The following CCBE1 variants were observed in gnomAD, a reference collection of about 807,000 sequenced individuals.
CCBE1 encodes collagen and calcium binding EGF domains 1.
Under a neutral mutation model 50.0 loss-of-function variants are expected in CCBE1, and 37 were observed. The observed-to-expected ratio is 0.74, with a 90% CI of 0.57 to 0.97. CCBE1 has a LOEUF of 0.97. Ranked by LOEUF, CCBE1 falls within the 50% of genes least tolerant of loss-of-function variation. The pLI is 0.00. For missense variants in CCBE1, 538 were observed against 523.8 expected (o/e 1.03, Z -0.26); for synonymous variants, 234 against 203.7 (o/e 1.15, Z -1.27).
At chr18:59,581,442 A>G (rs575468342) in intron 2 of CCBE1, among the ~76,000 whole-genome samples, 1 of 151,370 alleles carries the variant, frequency 6.6e-6, no homozygotes, top group South Asian at 2.1e-4. Context: ...TCCATCTCAA[A>G]AAAAAAAAAA....
chr18:59,692,956 GCACACACACACACACACA>G lies in CCBE1; in HGVS notation c.212+3655_212+3672del, dbSNP rs59496597. ...AAAAGAACCACTTTGTCAAGCCAAA[GCACACACACACACACACA>G]CACACACACACACACACACACACAC... On this transcript the variant is annotated intron_variant, in intron 2 of 10. Transcript: ENST00000439986. Among the ~76,000 whole-genome samples, 831 of 86,960 alleles carry G rather than the reference GCACACACACACACACACA, an allele frequency of 9.6e-3. 16 individuals carry two copies. The highest frequency in any genetic ancestry group is 0.034 in the African/African-American group (782 of 22,990). 57.0% of individuals were successfully genotyped at this position (86,960 alleles called of 152,430 possible).
At chr18:59,599,711 GTAC>G (rs2053405403) in intron 2 of CCBE1, among the ~76,000 whole-genome samples, 1 of 152,116 alleles carries the variant, frequency 6.6e-6, no homozygotes. Flanking sequence ...TTTTTCATTT[GTAC>G]CACAGGAGCA....
chr18:59,651,648 T>C (rs760527684), intron 2 of CCBE1, among the ~76,000 whole-genome samples: 2 of 152,206 alleles, frequency 1.3e-5, no homozygotes, highest in Non-Finnish European at 2.9e-5. Flanking sequence ...GCTCTAAATA[T>C]GGCATTTTTC....
intron 2 of CCBE1, among the ~76,000 whole-genome samples, chr18:59,682,111 C>A (rs1329555896): frequency 6.6e-6 from 1 of 152,174 alleles, no homozygotes; most frequent in Non-Finnish European, 1.5e-5. Flanking sequence ...TGCCTGTAAT[C>A]CCAGCACTTT....
In CCBE1 at chr18:59,454,892, ACTC is replaced by A. The variant is rs1183265084; in HGVS notation, c.610_612del (p.Glu204del). On this transcript the variant is annotated inframe_deletion, in exon 6 of 11. Transcript: ENST00000439986. ...AGCACGGTCTGCTTCATCTGGTAGA[ACTC>A]CTTGCATGTGGCACAGCAAGTTCCG... 3 of 1,613,846 alleles carry A rather than the reference ACTC, an allele frequency of 1.9e-6. No homozygotes were observed. Among genetic ancestry groups the A allele is most frequent in the South Asian group, 2.2e-5 (2 of 91,076 alleles).
chr18:59,673,635 G>A (rs1020444600), intron 2 of CCBE1, among the ~76,000 whole-genome samples: 2 of 152,162 alleles, frequency 1.3e-5, no homozygotes, highest in African/African-American at 4.8e-5. Flanking sequence ...AGTTTATGGA[G>A]AGTTTTTTAA....
At chr18:59,543,103 G>C (rs529800575) in intron 2 of CCBE1, among the ~76,000 whole-genome samples, 14 of 152,080 alleles carry the variant, frequency 9.2e-5, no homozygotes, top group Admixed American at 3.3e-4. Context: ...GCTCTAGTTG[G>C]ATCCCAATGC....
intron 2 of CCBE1, among the ~76,000 whole-genome samples, chr18:59,565,318 A>G (rs1429327776): frequency 2.0e-5 from 3 of 152,240 alleles, no homozygotes; most frequent in Non-Finnish European, 4.4e-5. Flanking sequence ...GCTCCAACCA[A>G]TGGCACAGGA....
chr18:59,696,554 C>T (rs2144761838), intron 2 of CCBE1, 75 bp downstream of exon 2: 2 of 1,603,872 alleles, frequency 1.2e-6, no homozygotes, highest in Admixed American at 1.7e-5. Context: ...TCTCCAAACC[C>T]CTCCTTTACA....
At chr18:59,592,792 G>A (rs1362918071) in intron 2 of CCBE1, among the ~76,000 whole-genome samples, 2 of 152,128 alleles carry the variant, frequency 1.3e-5, no homozygotes, top group Non-Finnish European at 2.9e-5. Context: ...AATGTTTCAT[G>A]TGCTCAAATA....
intron 2 of CCBE1, among the ~76,000 whole-genome samples, chr18:59,554,867 T>C (rs1454267381): frequency 6.6e-6 from 1 of 152,216 alleles, no homozygotes; most frequent in Non-Finnish European, 1.5e-5. Flanking sequence ...CCTTCTCCCC[T>C]TGCCTAGCCA....
chr18:59,483,691 A>G (rs1912682260), intron 2 of CCBE1, among the ~76,000 whole-genome samples: 1 of 152,234 alleles, frequency 6.6e-6, no homozygotes, highest in South Asian at 2.1e-4. Flanking sequence ...TCTGAAGCAT[A>G]ACTGGGAACA....
intron 2 of CCBE1, among the ~76,000 whole-genome samples, chr18:59,543,713 T>C (rs1462953078): frequency 6.6e-6 from 1 of 151,768 alleles, no homozygotes; most frequent in East Asian, 1.9e-4. Context: ...CGGGCGCCTG[T>C]AGTCCCAGCT....
rs76520154 is a variant in CCBE1, at chr18:59,453,929, G to A, written c.654+922C>T. Among the ~76,000 whole-genome samples, 48 of 152,294 alleles carry A rather than the reference G, an allele frequency of 3.2e-4. No individual in the cohort carries two copies. The East Asian group carries it at 5.4e-3, about 17-fold the overall frequency. On this transcript the variant is annotated intron_variant, in intron 6 of 10. Coordinates refer to ENST00000439986, the MANE Select transcript of CCBE1 (RefSeq NM_133459.4). ...GGGGCATTACTCACAGCAGAACGGT[G>A]TTACTAGAAATCTGCTATACCGTCA...
At chr18:59,599,830 C>A (rs1268476652) in intron 2 of CCBE1, among the ~76,000 whole-genome samples, 1 of 152,190 alleles carries the variant, frequency 6.6e-6, no homozygotes, top group African/African-American at 2.4e-5. Flanking sequence ...TTAGGCATTT[C>A]TAAAGTGGAA....
chr18:59,506,477 G>A (rs1169776431), intron 2 of CCBE1, among the ~76,000 whole-genome samples: 1 of 152,234 alleles, frequency 6.6e-6, no homozygotes, highest in Non-Finnish European at 1.5e-5. Context: ...GGAATGAAGG[G>A]AGGGAGAGGT....
At chr18:59,658,383 A>C (rs1433503225) in intron 2 of CCBE1, among the ~76,000 whole-genome samples, 1 of 31,882 alleles carries the variant, frequency 3.1e-5, no homozygotes, top group African/African-American at 1.3e-4. Context: ...ATATATATAT[A>C]TATATATATA....
At chr18:59,590,203 T>C (rs2053242645) in intron 2 of CCBE1, among the ~76,000 whole-genome samples, 1 of 152,136 alleles carries the variant, frequency 6.6e-6, no homozygotes, top group Non-Finnish European at 1.5e-5. Context: ...ATTAGAACAG[T>C]AGTAAAACTA....
intron 5 of CCBE1, 107 bp from the exon 6 acceptor site, chr18:59,455,058 G>A (rs1391239502): frequency 4.8e-6 from 4 of 831,310 alleles, no homozygotes; most frequent in Non-Finnish European, 8.2e-6. Context: ...GCTGACAGCG[G>A]GACATGCGAG....
Sources: allele counts gnomAD v4.1 joint callset (sites outside exome capture counted in the v4.1 genomes callset), GRCh38; gene constraint gnomAD v4.1.1; transcripts MANE v1.5; gene names NCBI Gene and HGNC (gene_info 2026-07-23, HGNC 2026-07-21).